Variants in SRPK2 observed in about 807,000 individuals in gnomAD.
SRPK2 encodes SFRS protein kinase 2.
SRPK2 carries 21 observed loss-of-function variants against 90.8 expected under a neutral mutation model. The observed-to-expected ratio is 0.23, with a 90% confidence interval of 0.16 to 0.33. The LOEUF (loss-of-function observed/expected upper bound fraction) is 0.33. Ranked by LOEUF, SRPK2 falls within the 10% of genes least tolerant of loss-of-function variation. The pLI is 1.00. For synonymous variants in SRPK2, 288 were observed against 311.1 expected, an observed-to-expected ratio of 0.93 and a Z score of 0.78; for missense variants, 620 against 869.0, an observed-to-expected ratio of 0.71 and a Z score of 3.60.
chr7:105,302,112 A>T, intron 2 of SRPK2: 1 of 1,522,352 alleles, frequency 6.6e-7, no homozygotes, highest in Non-Finnish European at 9.1e-7. Flanking sequence ...ACAAGGAAAG[A>T]GCATTCTTTA....
chr7:105,160,477 G>A (rs762475737), intron 7 of SRPK2, 30 bp downstream of exon 7: 4 of 1,354,846 alleles, frequency 3.0e-6, no homozygotes, highest in Admixed American at 3.4e-5. Flanking sequence ...TTAGGTACTA[G>A]GGCCTAGGGG....
rs75125198 is a variant in SRPK2 at position 105,319,860 on chromosome 7, C to CT, written c.71+68787dup. Reference sequence around the variant, plus strand: ...CGAGTTCTGGACATCACTTCCCCCCCTTTTTTTTTTTTTTTGTCTATAAAT... The same window carrying CT: ...CGAGTTCTGGACATCACTTCCCCCCCTTTTTTTTTTTTTTTTGTCTATAAAT... On this transcript the variant is annotated intron_variant, in intron 2 of 15. Transcript: ENST00000393651. 4.5e-3 allele frequency among the ~76,000 whole-genome samples: 654 copies of CT among 145,748 alleles called. 8 individuals carry two copies. Among genetic ancestry groups the CT allele is most frequent in the Admixed American group, 0.021 (304 of 14,602 alleles).
chr7:105,324,702 C>T (rs1483733018), intron 2 of SRPK2, among the ~76,000 whole-genome samples: 2 of 152,090 alleles, frequency 1.3e-5, no homozygotes, highest in African/African-American at 4.8e-5. Context: ...GCCTGACCAA[C>T]ATGGCAAAAC....
intron 5 of SRPK2, 83 bp downstream of exon 5, chr7:105,167,925 T>A: frequency 8.3e-7 from 1 of 1,210,922 alleles, no homozygotes. Flanking sequence ...TTGACTTTAA[T>A]TTAGTATTAC....
At chr7:105,373,052 G>C (rs1184662053) in intron 2 of SRPK2, among the ~76,000 whole-genome samples, 1 of 152,096 alleles carries the variant, frequency 6.6e-6, no homozygotes, top group Admixed American at 6.6e-5. Flanking sequence ...TAGCGCCATT[G>C]CTCTCTAGCC....
At chr7:105,318,017 A>G (rs1392796507) in intron 2 of SRPK2, among the ~76,000 whole-genome samples, 1 of 152,118 alleles carries the variant, frequency 6.6e-6, no homozygotes, top group Non-Finnish European at 1.5e-5. Flanking sequence ...TCAGCCTCAT[A>G]AAGTGCTGGG....
At chr7:105,305,169 G>A (rs559151911) in intron 2 of SRPK2, among the ~76,000 whole-genome samples, 2 of 152,344 alleles carry the variant, frequency 1.3e-5, no homozygotes, top group East Asian at 3.9e-4. Flanking sequence ...GCCAGGCGCT[G>A]TGGCTCATGC....
At position 105,381,583 on chromosome 7, in the gene SRPK2, C is replaced by T. The variant is rs150397016; in HGVS notation, c.71+7065G>A. On this transcript the variant is annotated intron_variant, in intron 2 of 15. Transcript: ENST00000393651. Reference sequence around the variant, plus strand: ...TCTTTTCACAAAGCAATCTCTTCTACTTTAATTATCTTACTCTTCTAGCAT... The same window carrying T: ...TCTTTTCACAAAGCAATCTCTTCTATTTTAATTATCTTACTCTTCTAGCAT... Among the ~76,000 whole-genome samples, 319 of 152,330 alleles carry T rather than the reference C, an allele frequency of 2.1e-3. 2 individuals are homozygous for T. The highest frequency in any genetic ancestry group is 7.4e-3 in the African/African-American group (307 of 41,574).
Position 105,209,719 on chromosome 7 carries a change from GAGCAA to G in SRPK2, c.72-5939_72-5935del, listed in dbSNP as rs371255267. ...AAAGGAAAGAGAAAGGAAAACAAAA[GAGCAA>G]AGCAAAGCAAAAGAGAAAAAGAGGG... is the stretch of plus-strand genomic sequence containing the variant. On this transcript the variant is annotated intron_variant, in intron 2 of 15. Coordinates refer to ENST00000393651, the MANE Select transcript of SRPK2 (RefSeq NM_182692.3). Among the ~76,000 whole-genome samples, 468 of 151,360 alleles carry G rather than the reference GAGCAA, an allele frequency of 3.1e-3. 1 individual carries two copies. Among genetic ancestry groups the G allele is most frequent in the African/African-American group, 0.011 (442 of 41,268 alleles).
chr7:105,170,845 AAG>A (rs1200392883), intron 3 of SRPK2, among the ~76,000 whole-genome samples: 1 of 10,572 alleles, frequency 9.5e-5, no homozygotes, highest in African/African-American at 2.4e-4. Flanking sequence ...GGAAGAAAGA[AAG>A]AAAGAAAGAA....
At chr7:105,290,315 A>T (rs1258041880) in intron 2 of SRPK2, among the ~76,000 whole-genome samples, 1 of 151,296 alleles carries the variant, frequency 6.6e-6, no homozygotes, top group Non-Finnish European at 1.5e-5. Context: ...TCTATAAAAC[A>T]AACAAACAAA....
chr7:105,178,679 G>T (rs1792327776), intron 3 of SRPK2, among the ~76,000 whole-genome samples: 1 of 151,946 alleles, frequency 6.6e-6, no homozygotes, highest in South Asian at 2.1e-4. Flanking sequence ...AAATTTTGCT[G>T]GGCATGGTGG....
At chr7:105,286,151 G>A (rs1156849126) in intron 2 of SRPK2, among the ~76,000 whole-genome samples, 1 of 152,182 alleles carries the variant, frequency 6.6e-6, no homozygotes, top group Non-Finnish European at 1.5e-5. Context: ...TGTACATAGG[G>A]TTTGGGTTCT....
At chr7:105,387,918 C>A (rs1283182014) in intron 2 of SRPK2, among the ~76,000 whole-genome samples, 1 of 152,192 alleles carries the variant, frequency 6.6e-6, no homozygotes, top group Admixed American at 6.5e-5. Context: ...CCGCCACGGG[C>A]GCGTTTTCCA....
intron 3 of SRPK2, 22 bp from the exon 4 acceptor site, chr7:105,169,287 A>G (rs756806177): frequency 1.0e-5 from 16 of 1,570,076 alleles, no homozygotes; most frequent in Non-Finnish European, 1.4e-5. Flanking sequence ...AGAAAGAAAG[A>G]AAAAAATTCA....
intron 2 of SRPK2, among the ~76,000 whole-genome samples, chr7:105,267,891 C>T (rs1433379684): frequency 1.3e-5 from 2 of 152,050 alleles, no homozygotes; most frequent in Non-Finnish European, 2.9e-5. Context: ...GATAAATCAA[C>T]ATATACCTTA....
intron 2 of SRPK2, among the ~76,000 whole-genome samples, chr7:105,357,636 C>T (rs375436908): frequency 1.3e-5 from 2 of 151,810 alleles, no homozygotes; most frequent in Non-Finnish European, 2.9e-5. Flanking sequence ...CCCAGCTACT[C>T]GGGAGGCTGA....
At chr7:105,175,910 A>G (rs1057001051) in intron 3 of SRPK2, among the ~76,000 whole-genome samples, 9 of 152,118 alleles carry the variant, frequency 5.9e-5, no homozygotes, top group Non-Finnish European at 1.3e-4. Context: ...TTTTATCTTG[A>G]TATTATGAAA....
chr7:105,269,036 C>G (rs528380078), intron 2 of SRPK2: 1 of 1,306,978 alleles, frequency 7.7e-7, no homozygotes, highest in Non-Finnish European at 9.9e-7. Context: ...GGAAAAAGCT[C>G]CAGAGGCATC....
Sources: gnomAD v4.1 joint callset for allele counts (sites outside exome capture counted in the v4.1 genomes callset) on GRCh38, gnomAD v4.1.1 for gene constraint, MANE v1.5 for transcripts, NCBI Gene and HGNC (gene_info 2026-07-23, HGNC 2026-07-21) for gene names.